Variants in PTPRG observed in about 807,000 individuals in gnomAD.
PTPRG encodes the protein protein tyrosine phosphatase receptor type G, also known as receptor-type tyrosine-protein phosphatase gamma.
PTPRG carries 102 observed loss-of-function variants against 165.3 expected under a neutral mutation model. The ratio of observed to expected loss-of-function variants is 0.62; its 90% CI spans 0.53 to 0.73. The LOEUF (loss-of-function observed/expected upper bound fraction) is 0.73, where lower values mean the gene tolerates loss of function less well. Among genes scored for constraint, PTPRG ranks in the 30% least tolerant of loss-of-function variants. The pLI is 0.00. For synonymous variants in PTPRG, 675 were observed against 669.5 expected (o/e 1.01, Z -0.13); for missense variants, 1,866 against 1,861.4 (o/e 1.00, Z -0.05).
chr3:61,573,023 A>G (rs1055292824), intron 1 of PTPRG, among the ~76,000 whole-genome samples: 8 of 152,184 alleles, frequency 5.3e-5, no homozygotes, highest in African/African-American at 1.9e-4. Context: ...TTTCCTGTCA[A>G]TCTTGCTTAT....
At chr3:61,574,327 C>T (rs1353834925) in intron 1 of PTPRG, among the ~76,000 whole-genome samples, 1 of 152,170 alleles carries the variant, frequency 6.6e-6, no homozygotes, top group South Asian at 2.1e-4. Flanking sequence ...AGTTGGTCAC[C>T]AGATCTACTG....
chr3:61,830,986 G>A (rs2036273664), intron 2 of PTPRG, among the ~76,000 whole-genome samples: 1 of 152,182 alleles, frequency 6.6e-6, no homozygotes, highest in Non-Finnish European at 1.5e-5. Context: ...GACCTAATGA[G>A]AATGTTTAAA....
chr3:62,058,144 C>T (rs1424015365), intron 4 of PTPRG, among the ~76,000 whole-genome samples: 2 of 152,124 alleles, frequency 1.3e-5, no homozygotes, highest in Non-Finnish European at 2.9e-5. Flanking sequence ...AGCCTTATTG[C>T]GTTTCTCTGT....
At chr3:61,865,772 A>G (rs2037389284) in intron 2 of PTPRG, among the ~76,000 whole-genome samples, 1 of 152,112 alleles carries the variant, frequency 6.6e-6, no homozygotes, top group Non-Finnish European at 1.5e-5. Context: ...TAGAAAATGT[A>G]TTTCCTCTGA....
At chr3:61,571,351 AAG>A (rs1700050533) in intron 1 of PTPRG, among the ~76,000 whole-genome samples, 1 of 152,076 alleles carries the variant, frequency 6.6e-6, no homozygotes, top group South Asian at 2.1e-4. Flanking sequence ...TTGCTTTTTG[AAG>A]AGAGTATGGA....
At chr3:61,621,459 C>T (rs1049886243) in intron 1 of PTPRG, among the ~76,000 whole-genome samples, 2 of 152,188 alleles carry the variant, frequency 1.3e-5, no homozygotes, top group East Asian at 1.9e-4. Context: ...CATGAAATAG[C>T]TTAAGTCAAC....
chr3:61,930,699 C>T (rs2039337660), intron 2 of PTPRG, among the ~76,000 whole-genome samples: 1 of 152,214 alleles, frequency 6.6e-6, no homozygotes, highest in Non-Finnish European at 1.5e-5. Flanking sequence ...TCCAAAATTA[C>T]AATTATAGTT....
At chr3:61,987,495 A>G (rs191988376) in intron 2 of PTPRG, among the ~76,000 whole-genome samples, 2 of 152,330 alleles carry the variant, frequency 1.3e-5, no homozygotes, top group African/African-American at 4.8e-5. Context: ...ATTATCAGGT[A>G]TCTGTTTTTA....
intron 8 of PTPRG, among the ~76,000 whole-genome samples, chr3:62,184,322 C>A (rs1705782904): frequency 6.6e-6 from 1 of 152,124 alleles, no homozygotes; most frequent in Admixed American, 6.5e-5. Flanking sequence ...GTGTGGTTTG[C>A]CCATCTTGAG....
chr3:62,013,866 A>G (rs146142617), intron 4 of PTPRG, among the ~76,000 whole-genome samples: 5 of 151,244 alleles, frequency 3.3e-5, no homozygotes, highest in East Asian at 1.9e-4. Flanking sequence ...TTTGAACACT[A>G]TTCTTCTCAG....
At chr3:61,939,859 G>A (rs2039570386) in intron 2 of PTPRG, among the ~76,000 whole-genome samples, 1 of 146,950 alleles carries the variant, frequency 6.8e-6, no homozygotes, top group Admixed American at 6.8e-5. Context: ...GTAACATTTT[G>A]GATAACTTTT....
At chr3:61,714,003 A>G (rs2031692380) in intron 1 of PTPRG, among the ~76,000 whole-genome samples, 1 of 152,262 alleles carries the variant, frequency 6.6e-6, no homozygotes, top group South Asian at 2.1e-4. Context: ...AAAGTGATAT[A>G]TGTTATGAAA....
At chr3:61,997,785 A>T (rs6788568) in intron 3 of PTPRG, among the ~76,000 whole-genome samples, 1 of 152,094 alleles carries the variant, frequency 6.6e-6, no homozygotes, top group Non-Finnish European at 1.5e-5. Context: ...ATGAATGTCA[A>T]TGTCTACAGG....
intron 2 of PTPRG, among the ~76,000 whole-genome samples, chr3:61,925,153 G>T (rs1280286428): frequency 6.6e-6 from 1 of 152,204 alleles, no homozygotes; most frequent in Non-Finnish European, 1.5e-5. Context: ...ATCATAAATA[G>T]TACACAAATG....
chr3:61,597,048 C>T (rs1238796887), intron 1 of PTPRG, among the ~76,000 whole-genome samples: 1 of 152,080 alleles, frequency 6.6e-6, no homozygotes, highest in East Asian at 1.9e-4. Context: ...TGTGTCATCC[C>T]TTTGTGGAAA....
chr3:61,738,317 T>TATATATATATATAC, intron 1 of PTPRG, among the ~76,000 whole-genome samples: 1 of 104,874 alleles, frequency 9.5e-6, no homozygotes, highest in African/African-American at 3.1e-5. Flanking sequence ...TATATACATA[T>TATATATATATATAC]ATATATATAT....
At chr3:61,817,325 A>G (rs968552351) in intron 2 of PTPRG, among the ~76,000 whole-genome samples, 14 of 148,506 alleles carry the variant, frequency 9.4e-5, no homozygotes, top group African/African-American at 3.5e-4. Flanking sequence ...TTTTATAGAA[A>G]ACATTGGTAG....
intron 5 of PTPRG, among the ~76,000 whole-genome samples, chr3:62,109,478 T>C (rs1312469260): frequency 6.6e-6 from 1 of 152,192 alleles, no homozygotes; most frequent in East Asian, 1.9e-4. Context: ...TCAGATAGCG[T>C]GATGCCTCCA....
At chr3:62,251,417 G>T (rs1324875682) in intron 15 of PTPRG, among the ~76,000 whole-genome samples, 1 of 152,248 alleles carries the variant, frequency 6.6e-6, no homozygotes, top group East Asian at 1.9e-4. Context: ...AGGAGGCTGA[G>T]GTGGAAGGAT....
Sources: gnomAD v4.1 joint callset for allele counts (sites outside exome capture counted in the v4.1 genomes callset) on GRCh38, gnomAD v4.1.1 for gene constraint, MANE v1.5 for transcripts, NCBI Gene and HGNC (gene_info 2026-07-23, HGNC 2026-07-21) for gene names.